Variants in DNAH8 observed in about 807,000 individuals in gnomAD.
DNAH8 encodes dynein axonemal heavy chain 8.
In DNAH8, 382 loss-of-function variants were observed where a neutral mutation model predicts 562.1. The ratio of observed to expected loss-of-function variants is 0.68; its 90% CI spans 0.63 to 0.74. The LOEUF (loss-of-function observed/expected upper bound fraction) is 0.74, where lower values mean the gene tolerates loss of function less well. Among genes scored for constraint, DNAH8 ranks in the 30% least tolerant of loss-of-function variants. DNAH8 has a pLI of 0.00. For missense variants in DNAH8, 5,203 were observed against 5,620.4 expected, an observed-to-expected ratio of 0.93 and a Z score of 2.37; for synonymous variants, 1,881 against 1,919.4, an observed-to-expected ratio of 0.98 and a Z score of 0.52.
intron 92 of DNAH8, 40 bp downstream of exon 92, chr6:39,026,707 C>T (rs779210953): frequency 6.2e-7 from 1 of 1,601,992 alleles, no homozygotes; most frequent in South Asian, 1.1e-5. Flanking sequence ...ATTCTGGAGC[C>T]AGAGCTGAAA....
chr6:38,872,809 T>A (rs747012020), intron 50 of DNAH8, 27 bp downstream of exon 50: 1 of 1,612,408 alleles, frequency 6.2e-7, no homozygotes, highest in South Asian at 1.1e-5. Flanking sequence ...TTTGTGATCA[T>A]TTTTTCCCTG....
rs551871347 is a variant in DNAH8 at position 38,919,348 on chromosome 6, G to A, written c.10524+1208G>A. On this transcript the variant is annotated intron_variant, in intron 70 of 92. Transcript: ENST00000327475. ...TTGTGGCTACCCCTGGTAGGCATAGGGCCAGCTTCTTGGGTGTGCACACAG... is the reference window on the plus strand; with the variant it reads ...TTGTGGCTACCCCTGGTAGGCATAGAGCCAGCTTCTTGGGTGTGCACACAG... Among the ~76,000 whole-genome samples, 154 of 152,094 alleles carry A rather than the reference G, an allele frequency of 1.0e-3. 1 individual carries two copies. The highest frequency in any genetic ancestry group is 1.9e-3 in the Non-Finnish European group (132 of 68,024).
At position 38,864,056 on chromosome 6, in the gene DNAH8, C is replaced by T. The variant is rs199517916; in HGVS notation, c.6494C>T (p.Thr2165Met). The T allele has an allele frequency of 3.0e-5, 48 of 1,602,656 alleles. No homozygotes were observed. The highest frequency in any genetic ancestry group is 3.9e-5 in the Non-Finnish European group (46 of 1,177,390). ...AATCCAGAATTTGGAATCTTCTTAACGATGGTGAGAAAAAAGGCTTTAAAT... is the reference window on the plus strand; with the variant it reads ...AATCCAGAATTTGGAATCTTCTTAATGATGGTGAGAAAAAAGGCTTTAAAT... ...DLNPEFGIFL[T>M]MNPGYAGRQE... The change falls in exon 45 of 93, where the codon ACG becomes ATG. Residue 2165 changes from threonine (T) to methionine (M), a missense_variant. This residue lies in a region of DNAH8 where 2,176 missense variants were observed against 2,365.1 expected (regional missense o/e 0.92). Coordinates refer to ENST00000327475, the MANE Select transcript of DNAH8 (RefSeq NM_001206927.2).
At chr6:38,917,455 T>G in intron 69 of DNAH8, 49 bp downstream of exon 69, 1 of 1,514,206 alleles carries the variant, frequency 6.6e-7, no homozygotes, top group African/African-American at 1.4e-5. Flanking sequence ...TCAGGCGTCC[T>G]CAGCCCAGGA....
chr6:38,763,757 G>A (rs1266709937), intron 11 of DNAH8: 1 of 156,614 alleles, frequency 6.4e-6, no homozygotes, highest in Non-Finnish European at 1.4e-5. Flanking sequence ...AGTGAGGTGA[G>A]CCGTGATCAC....
rs1402521217 is a variant in DNAH8, at chr6:38,866,868, A to C, written c.6685A>C (p.Thr2229Pro). The change falls in exon 47 of 93, where the codon ACT becomes CCT. Residue 2229 changes from threonine to proline, a missense_variant. Physicochemically the swap from Thr to Pro is conservative, Grantham distance 38 (BLOSUM62 -1). Around this residue, in one of 6 missense-constraint regions of DNAH8, gnomAD observed 2,176 missense variants for 2,365.1 expected, o/e 0.92. Coordinates refer to ENST00000327475, the MANE Select transcript of DNAH8 (RefSeq NM_001206927.2). ...VLYKLCEEQL[T>P]KQVHYDFGLR... ...TTACAAACTCTGTGAAGAGCAACTT[A>C]CTAAACAGGTAACTTTATAGATCTG... 1 of 1,596,230 alleles carries C rather than the reference A, an allele frequency of 6.3e-7. No individual in the cohort carries two copies. Among genetic ancestry groups the C allele is most frequent in the Non-Finnish European group, 8.6e-7 (1 of 1,165,274 alleles).
intron 78 of DNAH8, 144 bp downstream of exon 78, chr6:38,938,370 G>C (rs1583407766): frequency 1.1e-6 from 1 of 945,966 alleles, no homozygotes; most frequent in East Asian, 2.5e-5. Context: ...AGTGGATAAA[G>C]AAAAGGTGGT....
chr6:38,949,525 G>T lies in DNAH8; in HGVS notation c.12203G>T (p.Gly4068Val). ...DAPEEEIIPD[G>V]YNDSLDTCHK... ...CCAGAGGAGGAAATTATCCCTGATGGATATAATGATTCACTAGATACCTGC... is the reference window on the plus strand; with the variant it reads ...CCAGAGGAGGAAATTATCCCTGATGTATATAATGATTCACTAGATACCTGC... The change falls in exon 81 of 93, where the codon GGA becomes GTA. Residue 4068 changes from glycine (G) to valine (V), a missense_variant. By Grantham distance (109) the Gly-to-Val change is moderately radical. Around this residue, in one of 6 missense-constraint regions of DNAH8, gnomAD observed 1,399 missense variants for 1,518.4 expected, o/e 0.92. Coordinates refer to ENST00000327475, the MANE Select transcript of DNAH8 (RefSeq NM_001206927.2). The T allele has an allele frequency of 6.2e-7, 1 of 1,612,868 alleles. No individual in the cohort carries two copies. The highest frequency in any genetic ancestry group is 2.2e-5 in the East Asian group (1 of 44,824).
At chr6:38,800,297 T>G (rs1401016432) in intron 21 of DNAH8, among the ~76,000 whole-genome samples, 1 of 152,184 alleles carries the variant, frequency 6.6e-6, no homozygotes, top group Non-Finnish European at 1.5e-5. Flanking sequence ...AACTCCATGT[T>G]ATACTCTTTG....
chr6:38,902,831 G>T (rs1471630718), intron 62 of DNAH8, among the ~76,000 whole-genome samples: 1 of 152,184 alleles, frequency 6.6e-6, no homozygotes, highest in Non-Finnish European at 1.5e-5. Flanking sequence ...GAACAGGAAG[G>T]CTAGGATGAC....
At chr6:38,818,467 A>G (rs1772484232) in intron 26 of DNAH8, among the ~76,000 whole-genome samples, 1 of 147,762 alleles carries the variant, frequency 6.8e-6, no homozygotes, top group Admixed American at 6.9e-5. Flanking sequence ...AAAATGTACC[A>G]TCAACACATG....
rs1777734095 is a variant in DNAH8, at chr6:38,874,074, TTCTTTCTTTCTTTCTTTCTTTC to T, written c.7620+706_7620+727del. Reference sequence around the variant, plus strand: ...TCTTTCTTTCTTTCTTTCTTTTTCTTTCTTTCTTTCTTTCTTTCTTTCTCTTTCTCCTTCCTTCCTTCCTCCT... The same window carrying T: ...TCTTTCTTTCTTTCTTTCTTTTTCTTTCTTTCTCCTTCCTTCCTTCCTCCT... On this transcript the variant is annotated intron_variant, in intron 52 of 92. Coordinates refer to ENST00000327475, the MANE Select transcript of DNAH8 (RefSeq NM_001206927.2). 2.0e-4 allele frequency among the ~76,000 whole-genome samples: 20 copies of T among 100,576 alleles called. 5 individuals carry two copies. Among genetic ancestry groups the T allele is most frequent in the African/African-American group, 7.0e-4 (20 of 28,526 alleles). 66.0% of individuals were successfully genotyped at this position (100,576 alleles called of 152,430 possible).
chr6:38,921,273 G>A (rs921289388), intron 70 of DNAH8, 96 bp from the exon 71 acceptor site: 20 of 1,421,690 alleles, frequency 1.4e-5, no homozygotes, highest in African/African-American at 4.3e-5. Context: ...CGAAAGTCCC[G>A]TCTAGTGCAG....
At position 38,957,541 on chromosome 6, in the gene DNAH8, G is replaced by A. The variant is rs180865397; in HGVS notation, c.12451+6021G>A. ...TGTAAAATATACATGTTTTTAAACA[G>A]CACATGGAACATTCTTGAGGATAGA... On this transcript the variant is annotated intron_variant, in intron 82 of 92. Coordinates refer to ENST00000327475, the MANE Select transcript of DNAH8 (RefSeq NM_001206927.2). 1.6e-3 allele frequency among the ~76,000 whole-genome samples: 245 copies of A among 151,542 alleles called. 1 individual carries two copies. The highest frequency in any genetic ancestry group is 5.7e-3 in the African/African-American group (238 of 41,446).
chr6:38,841,218 A>G (rs963666584), intron 33 of DNAH8, among the ~76,000 whole-genome samples: 11 of 152,124 alleles, frequency 7.2e-5, no homozygotes, highest in Admixed American at 7.2e-4. Flanking sequence ...CAGGAGTTCA[A>G]GACCAGCCTA....
At position 38,913,850 on chromosome 6, in the gene DNAH8, T is replaced by C; in HGVS notation, c.9861T>C (p.Gly3287=). Residue 3287 remains glycine, a splice_region_variant and synonymous_variant, in exon 67 of 93, where the codon GGT becomes GGC. Coordinates refer to ENST00000327475, the MANE Select transcript of DNAH8 (RefSeq NM_001206927.2). ...INEQAERMNI[G]LDKLMEASES... ...GTATATATGTGTGTATTTGTAAAGG[T>C]CTTGATAAACTAATGGAGGCAAGTG... 1 of 1,611,176 alleles carries C rather than the reference T, an allele frequency of 6.2e-7. No individual in the cohort carries two copies. Among genetic ancestry groups the C allele is most frequent in the South Asian group, 1.1e-5 (1 of 90,940 alleles).
Position 38,770,357 on chromosome 6 carries a change from G to A in DNAH8, c.1618-56G>A, listed in dbSNP as rs542943633. On this transcript the variant is annotated intron_variant, in intron 11 of 92. Transcript: ENST00000327475. The stretch of plus-strand genomic sequence containing the variant: ...GTGAGGGTAGAGTTTTTGAATTTTC[G>A]ATTCCTGAACAAATGTCTCACTTTC... 6.9e-5 allele frequency: 85 copies of A among 1,233,176 alleles called. No individual in the cohort carries two copies. The African/African-American group carries it at 1.2e-3, about 18-fold the overall frequency. The allele number at this position is 1,233,176 out of a possible 1,614,324, so 76.4% of individuals were successfully genotyped here. A position where few individuals can be genotyped will look rare whatever the true frequency, so the allele number is the denominator to read the frequency against.
chr6:38,992,477 A>G (rs6933332), intron 88 of DNAH8, among the ~76,000 whole-genome samples: 39,814 of 152,160 alleles, frequency 0.26, 5,476 homozygotes, highest in Middle Eastern at 0.37. Context: ...AGGAGATTCC[A>G]TAGAAAGATC....
chr6:38,738,012 T>A (rs1482433923), intron 7 of DNAH8, 40 bp downstream of exon 7: 2 of 1,585,276 alleles, frequency 1.3e-6, no homozygotes, highest in Non-Finnish European at 8.6e-7. Context: ...CTAGTAGTTT[T>A]CATGTGCATC....
Sources: gnomAD v4.1 joint callset for allele counts (sites outside exome capture counted in the v4.1 genomes callset) on GRCh38, gnomAD v4.1.1 for gene constraint, gnomAD v4.1.1 regional missense constraint, MANE v1.5 for transcripts, NCBI Gene and HGNC (gene_info 2026-07-23, HGNC 2026-07-21) for gene names.